Variants in ITGA8 observed in about 807,000 individuals in gnomAD.
The protein encoded by ITGA8 is integrin subunit alpha 8.
A neutral mutation model predicts 142.3 loss-of-function variants in ITGA8; 91 were observed. The observed-to-expected ratio is 0.64, with a 90% CI of 0.54 to 0.76. The LOEUF is 0.76. ITGA8 is among the 30% of genes least tolerant of loss of function. The probability of loss-of-function intolerance (pLI) is 0.00; values close to 1 mark genes in which losing one functional copy is unlikely to be tolerated. For synonymous variants in ITGA8, 505 were observed against 485.2 expected (o/e 1.04, Z -0.54); for missense variants, 1,406 against 1,327.7 (o/e 1.06, Z -0.92).
rs151093709 is a variant in ITGA8, at chr10:15,701,650, A to G, written c.344-13612T>C. Reference sequence around the variant, plus strand: ...AGATCGCCCTGGGACAGAAGAGAAGAGTTGTAACTCACACAGGTGTGACCA... The same window carrying G: ...AGATCGCCCTGGGACAGAAGAGAAGGGTTGTAACTCACACAGGTGTGACCA... On this transcript the variant is annotated intron_variant, in intron 2 of 29. Transcript: ENST00000378076. 2.3e-3 allele frequency among the ~76,000 whole-genome samples: 349 copies of G among 152,326 alleles called. 1 individual carries two copies. The highest frequency in any genetic ancestry group is 3.6e-3 in the Non-Finnish European group (243 of 68,018).
chr10:15,644,015 G>T lies in ITGA8; in HGVS notation c.1399+15C>A. On this transcript the variant is annotated intron_variant, in intron 13 of 29. Transcript: ENST00000378076. ...GGACGTAGACTCTCACGTGGGAAAA[G>T]AAAGAAAACCTTACCTGGGTAATCA... The T allele has an allele frequency of 1.2e-6, 2 of 1,603,444 alleles. No homozygotes were observed. The highest frequency in any genetic ancestry group is 1.7e-6 in the Non-Finnish European group (2 of 1,173,042).
At chr10:15,592,600 GTTGA>G (rs1200819546) in intron 21 of ITGA8, among the ~76,000 whole-genome samples, 3 of 152,222 alleles carry the variant, frequency 2.0e-5, no homozygotes, top group African/African-American at 4.8e-5. Flanking sequence ...ACACTGATTG[GTTGA>G]TTGATTGATT....
intron 2 of ITGA8, among the ~76,000 whole-genome samples, chr10:15,692,929 G>A (rs894281311): frequency 2.6e-5 from 4 of 152,250 alleles, no homozygotes; most frequent in South Asian, 2.1e-4. Context: ...TTAGCTGGGC[G>A]CAGTGATGCA....
chr10:15,664,961 A>T lies in ITGA8; in HGVS notation c.848-4039T>A, dbSNP rs567223474. Among the ~76,000 whole-genome samples the T allele has an allele frequency of 3.1e-3, 479 of 152,198 alleles. 2 individuals carry two copies. The highest frequency in any genetic ancestry group is 0.011 in the African/African-American group (446 of 41,538). On this transcript the variant is annotated intron_variant, in intron 8 of 29. Coordinates refer to ENST00000378076, the MANE Select transcript of ITGA8 (RefSeq NM_003638.3). ...TCCAAGTCTTTGCTATTGTGAATAG[A>T]GCCGCAATAAACATAGGTGTGCATG...
chr10:15,660,924 T>A lies in ITGA8; in HGVS notation c.848-2A>T. ...CTCTTGGAATTCCAGCAACCAATTC[T>A]GGGGATGAAAATAGCCATTTAGAAG... On this transcript the variant is annotated splice_acceptor_variant, in intron 8 of 29. Transcript: ENST00000378076. LOFTEE classifies it high-confidence loss of function. 6.2e-7 allele frequency: 1 copy of A among 1,613,476 alleles called. No homozygotes were observed. The highest frequency in any genetic ancestry group is 2.2e-5 in the East Asian group (1 of 44,888).
chr10:15,702,891 G>A (rs1418340457), intron 2 of ITGA8, among the ~76,000 whole-genome samples: 1 of 152,158 alleles, frequency 6.6e-6, no homozygotes, highest in Non-Finnish European at 1.5e-5. Context: ...GTATAAGGTA[G>A]CAAGTGAAAG....
intron 25 of ITGA8, among the ~76,000 whole-genome samples, chr10:15,559,612 A>G (rs1833940285): frequency 6.6e-6 from 1 of 152,156 alleles, no homozygotes; most frequent in South Asian, 2.1e-4. Context: ...CCTGCAGAGA[A>G]GTAAGGAAGG....
chr10:15,530,511 A>C (rs1306622343), intron 28 of ITGA8, among the ~76,000 whole-genome samples: 2 of 120,254 alleles, frequency 1.7e-5, no homozygotes, highest in Non-Finnish European at 3.2e-5. Flanking sequence ...GTGCCCCTGC[A>C]CTCCAACCTG....
chr10:15,603,037 T>C (rs2131606359), intron 20 of ITGA8, among the ~76,000 whole-genome samples: 1 of 151,682 alleles, frequency 6.6e-6, no homozygotes, highest in Admixed American at 6.6e-5. Flanking sequence ...ACTTTGGAGT[T>C]TTTTTTTTCT....
At chr10:15,616,207 C>T (rs1006179291) in intron 14 of ITGA8, among the ~76,000 whole-genome samples, 3 of 152,204 alleles carry the variant, frequency 2.0e-5, no homozygotes, top group African/African-American at 7.2e-5. Context: ...CATTTCAATG[C>T]ATTTCCAAAG....
chr10:15,604,437 G>C (rs1031231265), intron 19 of ITGA8, 82 bp from the exon 20 acceptor site: 3 of 1,200,428 alleles, frequency 2.5e-6, no homozygotes, highest in African/African-American at 3.1e-5. Context: ...TTATAGAGGA[G>C]GAAAAGAAAA....
At chr10:15,527,749 A>T (rs1336971276) in intron 28 of ITGA8, among the ~76,000 whole-genome samples, 1 of 152,132 alleles carries the variant, frequency 6.6e-6, no homozygotes, top group Non-Finnish European at 1.5e-5. Flanking sequence ...ACTAATCATC[A>T]CACAAAAGGG....
At chr10:15,599,318 A>C (rs950892226) in intron 20 of ITGA8, among the ~76,000 whole-genome samples, 3 of 152,020 alleles carry the variant, frequency 2.0e-5, no homozygotes, top group African/African-American at 7.3e-5. Flanking sequence ...TCTTGTTCTA[A>C]TCCATTTATA....
intron 13 of ITGA8, among the ~76,000 whole-genome samples, chr10:15,629,322 G>A (rs1439395358): frequency 6.6e-6 from 1 of 151,942 alleles, no homozygotes; most frequent in African/African-American, 2.4e-5. Flanking sequence ...ACTCTAGGGG[G>A]TTTCTGTTAA....
At chr10:15,657,143 G>A (rs954193139) in intron 10 of ITGA8, among the ~76,000 whole-genome samples, 2 of 152,174 alleles carry the variant, frequency 1.3e-5, no homozygotes, top group African/African-American at 2.4e-5. Context: ...ACCTTCTGAG[G>A]TTCAGGATTA....
chr10:15,644,300 C>T, intron 12 of ITGA8, 79 bp from the exon 13 acceptor site: 1 of 1,333,650 alleles, frequency 7.5e-7, no homozygotes, highest in Non-Finnish European at 1.0e-6. Flanking sequence ...CAGGACCTTA[C>T]TCTGTCACCC....
intron 25 of ITGA8, among the ~76,000 whole-genome samples, chr10:15,564,561 C>T (rs1187311715): frequency 1.3e-5 from 2 of 152,198 alleles, no homozygotes; most frequent in East Asian, 3.8e-4. Flanking sequence ...TTTACAGCTG[C>T]TACTCAGAAT....
At chr10:15,635,959 A>G (rs903084878) in intron 13 of ITGA8, among the ~76,000 whole-genome samples, 4 of 151,406 alleles carry the variant, frequency 2.6e-5, no homozygotes, top group Non-Finnish European at 5.9e-5. Flanking sequence ...ACACACACAG[A>G]GCACTCATTG....
intron 17 of ITGA8, 40 bp from the exon 18 acceptor site, chr10:15,606,462 A>C (rs200075209): frequency 1.3e-5 from 20 of 1,563,064 alleles, no homozygotes; most frequent in Admixed American, 1.7e-5. Context: ...GGCTCCATGA[A>C]ATAGCTGCAA....
Sources: gnomAD v4.1 joint callset for allele counts (sites outside exome capture counted in the v4.1 genomes callset) on GRCh38, gnomAD v4.1.1 for gene constraint, MANE v1.5 for transcripts, NCBI Gene and HGNC (gene_info 2026-07-23, HGNC 2026-07-21) for gene names.